Variants in ZNF525 observed in about 807,000 individuals in gnomAD.
ZNF525 encodes the protein zinc finger protein 525.
In ZNF525, 33 loss-of-function variants were observed where a neutral mutation model predicts 37.6. The observed-to-expected ratio is 0.88, with a 90% confidence interval of 0.67 to 1.17. The LOEUF is 1.17. ZNF525 is among the 50% of genes most tolerant of loss of function. The pLI is 0.00. For synonymous variants in ZNF525, 170 were observed against 182.3 expected (o/e 0.93, Z 0.54); for missense variants, 449 against 543.1 (o/e 0.83, Z 1.72).
At chr19:53,380,521 G>C (rs1262436851) in intron 3 of ZNF525, among the ~76,000 whole-genome samples, 1 of 152,086 alleles carries the variant, frequency 6.6e-6, no homozygotes, top group African/African-American at 2.4e-5. Flanking sequence ...CTTATTTTAG[G>C]CTTACACATG....
Position 53,384,874 on chromosome 19 carries a change from A to G in ZNF525, c.*2855A>G, listed in dbSNP as rs2085594027. On this transcript the variant is annotated 3_prime_UTR_variant, in exon 4 of 4. Coordinates refer to ENST00000474037, the MANE Select transcript of ZNF525 (RefSeq NM_001348156.2). ...TGCATCATGTGAGATCGTACAGGAA[A>G]GCATTCCATTTTCCCTGCTTGGTTA... 1.5e-6 allele frequency: 1 copy of G among 688,848 alleles called. No homozygotes were observed. The highest frequency in any genetic ancestry group is 2.1e-5 in the Admixed American group (1 of 47,846). 42.7% of individuals were successfully genotyped at this position (688,848 alleles called of 1,614,324 possible). A position where few individuals can be genotyped will look rare whatever the true frequency, so the allele number is the denominator to read the frequency against.
rs377197291 is a variant in ZNF525 at position 53,378,232 on chromosome 19, G to A, written c.142+2336G>A. Among the ~76,000 whole-genome samples the A allele has an allele frequency of 2.3e-3, 343 of 152,222 alleles. 2 individuals are homozygous for A. The highest frequency in any genetic ancestry group is 7.7e-3 in the African/African-American group (321 of 41,538). ...AGCACTTTGGGAGGCCGAGAGGGGCGGATCACCTGAGTTAAGGAATTTGAG... is the reference window on the plus strand; with the variant it reads ...AGCACTTTGGGAGGCCGAGAGGGGCAGATCACCTGAGTTAAGGAATTTGAG... On this transcript the variant is annotated intron_variant, in intron 3 of 3. Transcript: ENST00000474037.
rs1421185264 is a variant in ZNF525, at chr19:53,384,703, T to C, written c.*2684T>C. ...GTACTATTTTGGTTGAGTCTGTGAT[T>C]TTCTACACAGAAGGTCATGTCGTCT... On this transcript the variant is annotated 3_prime_UTR_variant, in exon 4 of 4. Transcript: ENST00000474037. 2 of 372,546 alleles carry C rather than the reference T, an allele frequency of 5.4e-6. No individual in the cohort carries two copies. Among genetic ancestry groups the C allele is most frequent in the Non-Finnish European group, 9.7e-6 (2 of 206,050 alleles). 23.1% of individuals were successfully genotyped at this position (372,546 alleles called of 1,614,324 possible). A position where few individuals can be genotyped will look rare whatever the true frequency, so the allele number is the denominator to read the frequency against.
At chr19:53,378,386 T>G (rs1252223284) in intron 3 of ZNF525, among the ~76,000 whole-genome samples, 1 of 151,730 alleles carries the variant, frequency 6.6e-6, no homozygotes, top group Non-Finnish European at 1.5e-5. Flanking sequence ...ACCCGGGAGG[T>G]GGAGGTTGTA....
At position 53,382,184 on chromosome 19, in the gene ZNF525, A is replaced by G. The variant is rs2085571312; in HGVS notation, c.*165A>G. 6 of 1,594,538 alleles carry G rather than the reference A, an allele frequency of 3.8e-6. No individual in the cohort carries two copies. Among genetic ancestry groups the G allele is most frequent in the Admixed American group, 1.7e-5 (1 of 59,854 alleles). The stretch of plus-strand genomic sequence containing the variant: ...AATGTGATGAAGCTTTCAGTTTCAA[A>G]TCAAACCTTGAAAGACATAGGAGAA... On this transcript the variant is annotated 3_prime_UTR_variant, in exon 4 of 4. Transcript: ENST00000474037.
At chr19:53,369,176 T>C (rs1210826260) in intron 1 of ZNF525, among the ~76,000 whole-genome samples, 1 of 152,198 alleles carries the variant, frequency 6.6e-6, no homozygotes, top group African/African-American at 2.4e-5. Flanking sequence ...AGGTGAAAAC[T>C]TGGAGTTATA....
In ZNF525 at chr19:53,386,413, A is replaced by G. The variant is rs185572542; in HGVS notation, c.*4394A>G. 176 of 827,904 alleles carry G rather than the reference A, an allele frequency of 2.1e-4. 1 individual carries two copies. In the African/African-American group the frequency reaches 3.2e-3, roughly 15 times the overall value. 51.3% of individuals were successfully genotyped at this position (827,904 alleles called of 1,614,324 possible). On this transcript the variant is annotated 3_prime_UTR_variant, in exon 4 of 4. Transcript: ENST00000474037. ...AGGAATTGCATGTGAGATGGCACACATATTTATGCTGTCTGAGCATCACAA... is the reference window on the plus strand; with the variant it reads ...AGGAATTGCATGTGAGATGGCACACGTATTTATGCTGTCTGAGCATCACAA...
Position 53,385,222 on chromosome 19 carries a change from T to C in ZNF525, c.*3203T>C, listed in dbSNP as rs2085596759. 4.2e-6 allele frequency: 2 copies of C among 471,810 alleles called. No individual in the cohort carries two copies. The highest frequency in any genetic ancestry group is 3.1e-5 in the South Asian group (1 of 32,644). 29.2% of individuals were successfully genotyped at this position (471,810 alleles called of 1,614,324 possible). A position where few individuals can be genotyped will look rare whatever the true frequency, so the allele number is the denominator to read the frequency against. ...GGAAAAATACATATTATGAGAAAAT[T>C]GTGCATGAATTTCACAATTTTTGCA... On this transcript the variant is annotated 3_prime_UTR_variant, in exon 4 of 4. Coordinates refer to ENST00000474037, the MANE Select transcript of ZNF525 (RefSeq NM_001348156.2).
At chr19:53,376,905 G>T (rs1027622697) in intron 3 of ZNF525, among the ~76,000 whole-genome samples, 5 of 152,204 alleles carry the variant, frequency 3.3e-5, no homozygotes, top group African/African-American at 1.2e-4. Context: ...TGGAGGTGGA[G>T]GTTGTGGTGA....
In ZNF525 at chr19:53,383,762, AG is replaced by A. The variant is rs1303935049; in HGVS notation, c.*1744del. On this transcript the variant is annotated 3_prime_UTR_variant, in exon 4 of 4. Coordinates refer to ENST00000474037, the MANE Select transcript of ZNF525 (RefSeq NM_001348156.2). The stretch of plus-strand genomic sequence containing the variant: ...ATGTAATAATTGTGGCAAATTTTTC[AG>A]ACATCGTTCATACATTGCCGTTCAT... 1 of 551,278 alleles carries A rather than the reference AG, an allele frequency of 1.8e-6. No homozygotes were observed. Among genetic ancestry groups the A allele is most frequent in the Non-Finnish European group, 3.3e-6 (1 of 301,968 alleles). 34.1% of individuals were successfully genotyped at this position (551,278 alleles called of 1,614,324 possible).
intron 2 of ZNF525, among the ~76,000 whole-genome samples, chr19:53,375,185 T>C (rs930144844): frequency 3.3e-5 from 5 of 152,198 alleles, no homozygotes; most frequent in African/African-American, 9.7e-5. Flanking sequence ...CCACCGTGCC[T>C]GGCTGGATTT....
intron 1 of ZNF525, among the ~76,000 whole-genome samples, chr19:53,365,989 T>G (rs12104322): frequency 0.12 from 18,029 of 152,056 alleles, 1,333 homozygotes; most frequent in Middle Eastern, 0.26. Context: ...ATATACACTT[T>G]CTATCGCGTA....
In ZNF525 at chr19:53,375,878, A is replaced by T; in HGVS notation, c.124A>T (p.Arg42Trp). The stretch of plus-strand genomic sequence containing the variant: ...CAGGGACGTGATGCTGGAGAATTAT[A>T]GGAACCTGGTCTCCCTGGGTGAGGA... Reference protein sequence around the residue: ...LYRDVMLENYRNLVSLGISSK... With the variant: ...LYRDVMLENYWNLVSLGISSK... Residue 42 changes from arginine (R) to tryptophan (W), a missense_variant, in exon 3 of 4, where the codon AGG (arginine) becomes TGG (tryptophan). By Grantham distance (101) the Arg-to-Trp change is moderately radical. Transcript: ENST00000474037. The T allele has an allele frequency of 6.2e-7, 1 of 1,613,872 alleles. No homozygotes were observed. The highest frequency in any genetic ancestry group is 8.5e-7 in the Non-Finnish European group (1 of 1,179,912).
intron 2 of ZNF525, among the ~76,000 whole-genome samples, chr19:53,374,973 C>G (rs2085511438): frequency 6.6e-6 from 1 of 152,028 alleles, no homozygotes; most frequent in South Asian, 2.1e-4. Context: ...CCCTCAGGCT[C>G]AAGCCATCCT....
chr19:53,373,526 G>A lies in ZNF525; in HGVS notation c.15+1230G>A, dbSNP rs2147067223. ...TAAAGCATCTTCTTTTCTCTGTCGT[G>A]TCCTCCACCCTCCTTCCAGCCTCAC... On this transcript the variant is annotated intron_variant, in intron 2 of 3. Transcript: ENST00000474037. Among the ~76,000 whole-genome samples, 4 of 152,248 alleles carry A rather than the reference G, an allele frequency of 2.6e-5. 1 individual carries two copies. The highest frequency in any genetic ancestry group is 3.4e-3 in the Middle Eastern group (1 of 294).
Position 53,381,689 on chromosome 19 carries a change from T to C in ZNF525, c.1110T>C (p.Leu370=). 1 of 1,120,684 alleles carries C rather than the reference T, an allele frequency of 8.9e-7. No individual in the cohort carries two copies. 69.4% of individuals were successfully genotyped at this position (1,120,684 alleles called of 1,614,324 possible). ...AAGCTTTCAGTTTCAAATCAAACCT[T>C]GAAAGTCATAGGATAACTCATACTG... ...CDKAFSFKSN[L]ESHRITHTGE... The change falls in exon 4 of 4, where the codon CTT becomes CTC. Residue 370 remains leucine, a synonymous_variant. Coordinates refer to ENST00000474037, the MANE Select transcript of ZNF525 (RefSeq NM_001348156.2).
In ZNF525 at chr19:53,382,473, A is replaced by G. The variant is rs1180549550; in HGVS notation, c.*454A>G. 5.1e-5 allele frequency: 36 copies of G among 712,742 alleles called. No homozygotes were observed. The highest frequency in any genetic ancestry group is 1.3e-5 in the Non-Finnish European group (5 of 389,350). 44.2% of individuals were successfully genotyped at this position (712,742 alleles called of 1,614,324 possible). ...ACGCCATCATAGACTTCATACTGGAAATAAATCTTATAAGTGTAATGAGTG... is the reference window on the plus strand; with the variant it reads ...ACGCCATCATAGACTTCATACTGGAGATAAATCTTATAAGTGTAATGAGTG... On this transcript the variant is annotated 3_prime_UTR_variant, in exon 4 of 4. Transcript: ENST00000474037.
chr19:53,376,130 T>G (rs1209270876), intron 3 of ZNF525: 2 of 985,446 alleles, frequency 2.0e-6, no homozygotes, highest in Admixed American at 4.1e-5. Flanking sequence ...TTTCTTTTTT[T>G]AGAGACAGGT....
At chr19:53,366,550 AAAAAAAAGATAAGC>A (rs2085446807) in intron 1 of ZNF525, among the ~76,000 whole-genome samples, 1 of 151,698 alleles carries the variant, frequency 6.6e-6, no homozygotes, top group Non-Finnish European at 1.5e-5. Flanking sequence ...GAAAAAAAAA[AAAAAAAAGATAAGC>A]AGGAGGAGAA....
Sources: gnomAD v4.1 joint callset for allele counts (sites outside exome capture counted in the v4.1 genomes callset) on GRCh38, gnomAD v4.1.1 for gene constraint, MANE v1.5 for transcripts, NCBI Gene and HGNC (gene_info 2026-07-23, HGNC 2026-07-21) for gene names.